CANX: variants seen among roughly 807,000 people sequenced by gnomAD.
CANX encodes the protein calnexin.
A neutral mutation model predicts 75.7 loss-of-function variants in CANX; 14 were observed. That is an observed-to-expected ratio of 0.19 (90% CI 0.12 to 0.29). The LOEUF is 0.29. Among genes scored for constraint, CANX ranks in the 10% least tolerant of loss-of-function variants. The pLI, the probability that CANX is intolerant of heterozygous loss-of-function variation, is 1.00. For missense variants in CANX, 567 were observed against 713.2 expected (o/e 0.79, Z 2.34); for synonymous variants, 227 against 236.9 (o/e 0.96, Z 0.38).
In CANX at chr5:179,720,629, A is replaced by AG. The variant is rs574101455; in HGVS notation, c.1182+70dup. 1.3e-4 allele frequency: 188 copies of AG among 1,425,492 alleles called. 1 individual carries two copies. In the East Asian group the frequency reaches 3.9e-3, roughly 30 times the overall value. 88.3% of individuals were successfully genotyped at this position (1,425,492 alleles called of 1,614,324 possible). ...GTATTCAGATAGAAGTTTTATCTAG[A>AG]GTAAGGCTGCCAGGTTGGTCATTAT... On this transcript the variant is annotated intron_variant, in intron 10 of 14. Transcript: ENST00000247461.
rs148942701 is a variant in CANX at position 179,712,370 on chromosome 5, C to T, written c.721+2305C>T. Among the ~76,000 whole-genome samples the T allele has an allele frequency of 7.4e-3, 1,127 of 151,488 alleles. 4 individuals carry two copies. The highest frequency in any genetic ancestry group is 0.014 in the Middle Eastern group (4 of 294). On this transcript the variant is annotated intron_variant, in intron 7 of 14. Coordinates refer to ENST00000247461, the MANE Select transcript of CANX (RefSeq NM_001746.4). ...GTTTGTTTGTTTATTGAAGCTTTTC[C>T]TGCTAGTTTGAGATCATAAATAGGC...
intron 14 of CANX, among the ~76,000 whole-genome samples, chr5:179,727,208 AAGAC>A (rs1371297981): frequency 2.0e-5 from 3 of 152,228 alleles, no homozygotes; most frequent in Admixed American, 1.3e-4. Flanking sequence ...GTCAGTGAGT[AAGAC>A]AGACAAAGAT....
rs546227723 is a variant in CANX, at chr5:179,688,419, A to G, written c.-4+9642A>G. Among the ~76,000 whole-genome samples the G allele has an allele frequency of 3.2e-3, 438 of 138,886 alleles. 3 individuals carry two copies. Among genetic ancestry groups the G allele is most frequent in the African/African-American group, 0.011 (411 of 36,516 alleles). The allele number at this position is 138,886 out of a possible 152,430, so 91.1% of individuals were successfully genotyped here. ...CACTCTGTCGCCCAGGCTGGAGCGC[A>G]GTGGCACAATCTCGGTTCACTGCAA... On this transcript the variant is annotated intron_variant, in intron 1 of 14. Coordinates refer to the CANX transcript ENST00000681674.
At chr5:179,689,439 G>A (rs1776261136) in intron 1 of CANX, among the ~76,000 whole-genome samples, 1 of 144,364 alleles carries the variant, frequency 6.9e-6, no homozygotes, top group Non-Finnish European at 1.5e-5. Context: ...CCAGGTGGGA[G>A]TGTAATGGCG....
At chr5:179,702,829 G>A (rs187433450) in intron 1 of CANX, among the ~76,000 whole-genome samples, 64 of 151,826 alleles carry the variant, frequency 4.2e-4, no homozygotes, top group Non-Finnish European at 7.1e-4. Context: ...GTGCAGTGGC[G>A]TGATTTCAAC....
intron 8 of CANX, among the ~76,000 whole-genome samples, chr5:179,718,931 C>T (rs1306718062): frequency 2.0e-5 from 3 of 151,846 alleles, no homozygotes; most frequent in Non-Finnish European, 4.4e-5. Context: ...TCCCAAAGTG[C>T]TGGGATTACA....
At chr5:179,683,147 G>C (rs983804329) in intron 1 of CANX, among the ~76,000 whole-genome samples, 7 of 130,282 alleles carry the variant, frequency 5.4e-5, no homozygotes, top group African/African-American at 1.9e-4. Flanking sequence ...ATTTATTTTT[G>C]AGACGGAGTC....
intron 1 of CANX, among the ~76,000 whole-genome samples, chr5:179,684,413 C>T (rs1355870391): frequency 6.8e-6 from 1 of 146,968 alleles, no homozygotes; most frequent in Non-Finnish European, 1.5e-5. Context: ...TTTTTCAGCT[C>T]ACTGCAAGCT....
intron 1 of CANX, among the ~76,000 whole-genome samples, chr5:179,701,605 A>G (rs1289205354): frequency 2.0e-5 from 3 of 152,102 alleles, no homozygotes. Context: ...TGAACTGTGC[A>G]AATAGAATAC....
chr5:179,679,717 T>G (rs1412754026), intron 1 of CANX, among the ~76,000 whole-genome samples: 1 of 151,982 alleles, frequency 6.6e-6, no homozygotes. Flanking sequence ...GGAGTGCAAT[T>G]GCGCGATCTT....
rs777342800 is a variant in CANX, at chr5:179,716,256, A to G, written c.873A>G (p.Pro291=). 6 of 1,613,982 alleles carry G rather than the reference A, an allele frequency of 3.7e-6. No homozygotes were observed. The highest frequency in any genetic ancestry group is 5.1e-6 in the Non-Finnish European group (6 of 1,179,834). The change falls in exon 8 of 15, where the codon CCA becomes CCG. Residue 291 remains proline, a synonymous_variant. Coordinates refer to ENST00000247461, the MANE Select transcript of CANX (RefSeq NM_001746.4). The part of the protein sequence containing the change: ...DRKPEDWDER[P]KIPDPEAVKP... ...AGCCCGAGGATTGGGATGAAAGACC[A>G]AAAATCCCAGATCCAGAAGCTGTCA...
intron 1 of CANX, among the ~76,000 whole-genome samples, chr5:179,692,632 A>G (rs1045881656): frequency 6.6e-5 from 10 of 152,040 alleles, no homozygotes; most frequent in Admixed American, 1.3e-4. Context: ...GGCTGAATCT[A>G]TCCACCTACC....
intron 9 of CANX, 137 bp from the exon 10 acceptor site, chr5:179,720,267 T>C: frequency 2.0e-6 from 1 of 496,620 alleles, no homozygotes; most frequent in Non-Finnish European, 3.6e-6. Flanking sequence ...AAACTGTTAT[T>C]ACTGGAAATA....
chr5:179,723,954 C>G (rs1399272907), intron 12 of CANX, among the ~76,000 whole-genome samples, 175 bp downstream of exon 12: 2 of 152,058 alleles, frequency 1.3e-5, no homozygotes, highest in Non-Finnish European at 2.9e-5. Flanking sequence ...GTTTATTGTG[C>G]CCAGATGGGA....
intron 1 of CANX, among the ~76,000 whole-genome samples, chr5:179,689,174 G>T (rs2113044364): frequency 6.6e-6 from 1 of 152,166 alleles, no homozygotes; most frequent in Middle Eastern, 3.4e-3. Flanking sequence ...TTAAACCCAG[G>T]AGGCAGAGGT....
At chr5:179,698,940 T>G (rs994923037), upstream of CANX, 352 of 1,125,572 alleles carry the variant, frequency 3.1e-4, no homozygotes, top group Non-Finnish European at 3.7e-4. Flanking sequence ...GGGCCGGGCT[T>G]CGTGCGGTGG....
chr5:179,716,057 G>T, intron 7 of CANX, 48 bp from the exon 8 acceptor site: 1 of 1,317,596 alleles, frequency 7.6e-7, no homozygotes, highest in South Asian at 1.2e-5. Flanking sequence ...ATGGTAAAGG[G>T]AGCTTGGAAA....
At chr5:179,678,801 C>G (rs899423770) in intron 1 of CANX, 1 of 1,537,098 alleles carries the variant, frequency 6.5e-7, no homozygotes, top group South Asian at 1.2e-5. Context: ...TCCAGCAACA[C>G]TTGGCTTTTG....
Position 179,709,949 on chromosome 5 carries a change from T to A in CANX, c.605T>A (p.Phe202Tyr). Residue 202 changes from phenylalanine to tyrosine, a missense_variant, in exon 7 of 15, where the codon TTC (phenylalanine) becomes TAC (tyrosine). Phe to Tyr is a conservative substitution (Grantham distance 22). Coordinates refer to ENST00000247461, the MANE Select transcript of CANX (RefSeq NM_001746.4). ...TGTGGAGAGGACTATAAACTGCACT[T>A]CATCTTCCGACACAAAAACCCCAAA... Reference protein sequence around the residue: ...DKCGEDYKLHFIFRHKNPKTG... With the variant: ...DKCGEDYKLHYIFRHKNPKTG... 6.2e-7 allele frequency: 1 copy of A among 1,613,332 alleles called. No individual in the cohort carries two copies. The highest frequency in any genetic ancestry group is 8.5e-7 in the Non-Finnish European group (1 of 1,179,338).
Sources: gnomAD v4.1 joint callset for allele counts (sites outside exome capture counted in the v4.1 genomes callset) on GRCh38, gnomAD v4.1.1 for gene constraint, MANE v1.5 for transcripts, NCBI Gene and HGNC (gene_info 2026-07-23, HGNC 2026-07-21) for gene names.